The following IGLL5 variants were observed in gnomAD, a reference collection of about 807,000 sequenced individuals.
The protein encoded by IGLL5 is immunoglobulin lambda like polypeptide 5.
In IGLL5, 30 loss-of-function variants were observed where a neutral mutation model predicts 20.9. The ratio of observed to expected loss-of-function variants is 1.44; its 90% CI spans 1.07 to 1.95. IGLL5 has a LOEUF of 1.95. IGLL5 is among the 30% of genes most tolerant of loss of function. IGLL5 has a pLI of 0.00. For missense variants in IGLL5, 475 were observed against 270.7 expected (o/e 1.75, Z -5.30); for synonymous variants, 203 against 117.3 (o/e 1.73, Z -4.72).
Position 22,888,919 on chromosome 22 carries a change from C to T in IGLL5, c.206+660C>T, listed in dbSNP as rs2067664335. Among the ~76,000 whole-genome samples the T allele has an allele frequency of 2.6e-5, 4 of 151,312 alleles. 1 individual carries two copies. The highest frequency in any genetic ancestry group is 2.0e-4 in the East Asian group (1 of 4,932). On this transcript the variant is annotated intron_variant, in intron 1 of 2. Coordinates refer to ENST00000526893, the MANE Select transcript of IGLL5 (RefSeq NM_001178126.2). The stretch of plus-strand genomic sequence containing the variant: ...GGTCTCACAGATCGAGGGGCACTGG[C>T]TGGTGATGGGTGCCCCCAAAAGACA...
chr22:22,889,878 G>T (rs1004743020), intron 1 of IGLL5, among the ~76,000 whole-genome samples: 2 of 151,380 alleles, frequency 1.3e-5, no homozygotes, highest in Non-Finnish European at 2.9e-5. Context: ...TTACAGGCGT[G>T]AGCCACTGCA....
At chr22:22,892,206 T>C (rs1419215863) in intron 1 of IGLL5, among the ~76,000 whole-genome samples, 1 of 151,252 alleles carries the variant, frequency 6.6e-6, no homozygotes, top group African/African-American at 2.4e-5. Context: ...TTGCTTTCTT[T>C]ATATGAGAAA....
In IGLL5 at chr22:22,893,882, C is replaced by T. The variant is rs1601621482; in HGVS notation, c.325+64C>T. 8.7e-6 allele frequency: 10 copies of T among 1,146,548 alleles called. 1 individual carries two copies. Among genetic ancestry groups the T allele is most frequent in the South Asian group, 3.7e-5 (3 of 81,372 alleles). The allele number at this position is 1,146,548 out of a possible 1,614,324, so 71.0% of individuals were successfully genotyped here. On this transcript the variant is annotated intron_variant, in intron 2 of 2. Transcript: ENST00000526893. ...CTGCTGTCCCTGGAAAATCTGTTTT[C>T]TCTCTCTGGGGCTTCCTCCCCTCTG...
chr22:22,894,026 G>A (rs559491447), intron 2 of IGLL5, among the ~76,000 whole-genome samples: 2 of 149,884 alleles, frequency 1.3e-5, no homozygotes, highest in South Asian at 2.2e-4. Flanking sequence ...ATGCAGCCTG[G>A]TCCCGGGGCC....
intron 1 of IGLL5, among the ~76,000 whole-genome samples, chr22:22,892,229 T>A (rs2146019296): frequency 6.6e-6 from 1 of 151,338 alleles, no homozygotes; most frequent in African/African-American, 2.4e-5. Context: ...AGTGTTGAAT[T>A]TATATTACTA....
intron 1 of IGLL5, 54 bp downstream of exon 1, chr22:22,888,313 A>T: frequency 1.3e-6 from 2 of 1,501,550 alleles, no homozygotes; most frequent in Non-Finnish European, 1.8e-6. Flanking sequence ...GAGCTGGGAA[A>T]GGGTGACCAA....
At chr22:22,894,039 A>G (rs2067971666) in intron 2 of IGLL5, among the ~76,000 whole-genome samples, 5 of 150,528 alleles carry the variant, frequency 3.3e-5, no homozygotes, top group East Asian at 4.0e-4. Context: ...CCGGGGCCTG[A>G]GCTGGGATTG....
rs2067563414 is a variant in IGLL5, at chr22:22,888,125, G to A, written c.72G>A (p.Trp24Ter). 1.3e-6 allele frequency: 2 copies of A among 1,549,762 alleles called. No homozygotes were observed. The highest frequency in any genetic ancestry group is 1.7e-6 in the Non-Finnish European group (2 of 1,146,856). ...EELGPGPRQRWPLLLLGLAMV... is the reference protein window; with the variant it reads ...EELGPGPRQR ...TGGGCCCTGGTCCCAGGCAGCGCTG[G>A]CCCCTGCTGCTGCTGGGTCTGGCCA... The change falls in exon 1 of 3, where the codon TGG becomes TGA. Residue 24 changes from tryptophan to a stop codon, truncating the protein, a stop_gained. Transcript: ENST00000526893. LOFTEE classifies it high-confidence loss of function.
chr22:22,893,847 G>T (rs375864906), intron 2 of IGLL5, 29 bp downstream of exon 2: 2 of 1,414,134 alleles, frequency 1.4e-6, no homozygotes, highest in Admixed American at 1.7e-5. Flanking sequence ...TTCCCAGCCT[G>T]TCTCACCCTC....
At chr22:22,891,740 G>T (rs2067853400) in intron 1 of IGLL5, among the ~76,000 whole-genome samples, 2 of 151,118 alleles carry the variant, frequency 1.3e-5, no homozygotes, top group South Asian at 4.2e-4. Flanking sequence ...TTCATAAAGG[G>T]TTTGTAAATA....
chr22:22,893,226 T>C (rs1011324956), intron 1 of IGLL5, among the ~76,000 whole-genome samples: 3 of 151,144 alleles, frequency 2.0e-5, no homozygotes, highest in Admixed American at 6.6e-5. Flanking sequence ...GTAGACAGAA[T>C]GATCTCAGAG....
At chr22:22,894,833 A>C (rs2066700784) in intron 2 of IGLL5, among the ~76,000 whole-genome samples, 1 of 151,126 alleles carries the variant, frequency 6.6e-6, no homozygotes, top group African/African-American at 2.4e-5. Context: ...TTGCCAGGAG[A>C]GCCAAGTGGG....
At chr22:22,888,884 T>C (rs182419011) in intron 1 of IGLL5, among the ~76,000 whole-genome samples, 5 of 151,358 alleles carry the variant, frequency 3.3e-5, no homozygotes, top group East Asian at 4.1e-4. Flanking sequence ...TCTGGGATGA[T>C]GCCCAGGCTG....
At chr22:22,890,129 A>C (rs2067777918) in intron 1 of IGLL5, among the ~76,000 whole-genome samples, 1 of 150,534 alleles carries the variant, frequency 6.6e-6, no homozygotes, top group South Asian at 2.1e-4. Flanking sequence ...ATATTACAAA[A>C]TGTAATGACT....
At chr22:22,888,354 G>A (rs533017778) in intron 1 of IGLL5, 95 bp downstream of exon 1, 14 of 1,175,008 alleles carry the variant, frequency 1.2e-5, no homozygotes, top group African/African-American at 4.6e-5. Context: ...TGAGGAGGAA[G>A]GTTAACCCCT....
At chr22:22,891,447 AT>A (rs1439414917) in intron 1 of IGLL5, among the ~76,000 whole-genome samples, 1 of 151,124 alleles carries the variant, frequency 6.6e-6, no homozygotes, top group African/African-American at 2.4e-5. Context: ...GCTTTATGGT[AT>A]GTTCGGTAAC....
chr22:22,888,281 G>A lies in IGLL5; in HGVS notation c.206+22G>A, dbSNP rs779688535. The A allele has an allele frequency of 3.2e-6, 5 of 1,543,344 alleles. No homozygotes were observed. In the East Asian group the frequency reaches 7.4e-5, roughly 23 times the overall value. On this transcript the variant is annotated intron_variant, in intron 1 of 2. Transcript: ENST00000526893. ...GCAGGTAAGGGGCAAGAGATTCCAGGGGATGTGGGGGTCCTGCAGCAGAGC... is the reference window on the plus strand; with the variant it reads ...GCAGGTAAGGGGCAAGAGATTCCAGAGGATGTGGGGGTCCTGCAGCAGAGC...
rs1264223802 is a variant in IGLL5 at position 22,887,870 on chromosome 22, G to C, written c.-184G>C. The stretch of plus-strand genomic sequence containing the variant: ...CCCTCTGGGAGAGATCCCCAGGGGT[G>C]ACAGCCATGGACCCTGGAAGGGCCT... On this transcript the variant is annotated 5_prime_UTR_variant, in exon 1 of 3. Coordinates refer to ENST00000526893, the MANE Select transcript of IGLL5 (RefSeq NM_001178126.2). The C allele has an allele frequency of 1.1e-5, 7 of 632,788 alleles. No homozygotes were observed. Among genetic ancestry groups the C allele is most frequent in the African/African-American group, 1.8e-5 (1 of 54,602 alleles). The allele number at this position is 632,788 out of a possible 1,614,324, so 39.2% of individuals were successfully genotyped here.
intron 1 of IGLL5, among the ~76,000 whole-genome samples, chr22:22,890,105 T>C (rs1257270474): frequency 2.0e-5 from 3 of 150,938 alleles, no homozygotes; most frequent in Non-Finnish European, 4.4e-5. Context: ...TGCATTACTC[T>C]TTTTGTAATG....
Sources: allele counts gnomAD v4.1 joint callset (sites outside exome capture counted in the v4.1 genomes callset), GRCh38; gene constraint gnomAD v4.1.1; transcripts MANE v1.5; gene names NCBI Gene and HGNC (gene_info 2026-07-23, HGNC 2026-07-21).